Variants in CSMD1 observed in about 807,000 individuals in gnomAD.
The protein encoded by CSMD1 is CUB and Sushi multiple domains 1, also known as CUB and sushi domain-containing protein 1.
Under a neutral mutation model 417.5 loss-of-function variants are expected in CSMD1, and 213 were observed. The ratio of observed to expected loss-of-function variants is 0.51; its 90% CI spans 0.46 to 0.57. The LOEUF is 0.57. Ranked by LOEUF, CSMD1 falls within the 20% of genes least tolerant of loss-of-function variation. The probability of loss-of-function intolerance (pLI) is 0.00; values close to 1 mark genes in which losing one functional copy is unlikely to be tolerated. For missense variants in CSMD1, 6,923 were observed against 4,529.7 expected, an observed-to-expected ratio of 1.53 and a Z score of -15.17; for synonymous variants, 2,862 against 1,736.8, an observed-to-expected ratio of 1.65 and a Z score of -16.11.
chr8:4,052,082 C>T (rs1316491384), intron 3 of CSMD1, among the ~76,000 whole-genome samples: 17 of 151,922 alleles, frequency 1.1e-4, no homozygotes, highest in African/African-American at 3.4e-4. Context: ...ACTAAATACC[C>T]AGCTAATTTC....
intron 1 of CSMD1, among the ~76,000 whole-genome samples, chr8:4,905,035 T>C (rs959455632): frequency 3.9e-5 from 6 of 152,190 alleles, no homozygotes; most frequent in African/African-American, 9.6e-5. Flanking sequence ...AAATTAAAAA[T>C]AGCTGGGACC....
At chr8:3,550,518 T>C (rs956797503) in intron 10 of CSMD1, among the ~76,000 whole-genome samples, 2 of 152,124 alleles carry the variant, frequency 1.3e-5, no homozygotes, top group African/African-American at 4.8e-5. Context: ...ACATATAAGG[T>C]GTAGTGATTC....
At position 4,064,752 on chromosome 8, in the gene CSMD1, C is replaced by A. The variant is rs4406417; in HGVS notation, c.416-32653G>T. ...CCTTCACAACCGAGATCTCTCAGTA[C>A]TGCTGTGGAAACAATCCAGTCCATT... On this transcript the variant is annotated intron_variant, in intron 3 of 69. Coordinates refer to ENST00000635120, the MANE Select transcript of CSMD1 (RefSeq NM_033225.6). Among the ~76,000 whole-genome samples, 14 of 152,104 alleles carry A rather than the reference C, an allele frequency of 9.2e-5. No homozygotes were observed. The East Asian group carries it at 2.5e-3, about 27-fold the overall frequency.
chr8:3,066,805 T>A (rs537735738), intron 49 of CSMD1, among the ~76,000 whole-genome samples: 1 of 152,160 alleles, frequency 6.6e-6, no homozygotes, highest in South Asian at 2.1e-4. Flanking sequence ...AAACTCTTAT[T>A]TAAGCTCATT....
intron 3 of CSMD1, among the ~76,000 whole-genome samples, chr8:4,243,162 G>T (rs1187951085): frequency 6.6e-6 from 1 of 152,080 alleles, no homozygotes; most frequent in Admixed American, 6.5e-5. Flanking sequence ...GAGGGAGAGT[G>T]CTTGCATGGA....
intron 10 of CSMD1, among the ~76,000 whole-genome samples, chr8:3,501,009 T>C (rs1489759519): frequency 1.3e-5 from 2 of 152,148 alleles, no homozygotes; most frequent in African/African-American, 4.8e-5. Context: ...GCTACTTTGA[T>C]TCAAATAATA....
chr8:4,760,176 A>C (rs1811950320), intron 1 of CSMD1, among the ~76,000 whole-genome samples: 1 of 152,240 alleles, frequency 6.6e-6, no homozygotes, highest in African/African-American at 2.4e-5. Flanking sequence ...CTGCAACATC[A>C]GTGAACCACA....
intron 3 of CSMD1, among the ~76,000 whole-genome samples, chr8:4,142,917 G>C (rs10503235): frequency 0.13 from 18,960 of 150,408 alleles, 2,475 homozygotes; most frequent in East Asian, 0.28. Context: ...TTATTTTTAG[G>C]TCATATGTTG....
chr8:4,008,548 G>C (rs1318710958), intron 4 of CSMD1, among the ~76,000 whole-genome samples: 2 of 139,392 alleles, frequency 1.4e-5, no homozygotes, highest in East Asian at 4.5e-4. Context: ...ATAAATACTT[G>C]ATTGTTAAAG....
At chr8:3,372,683 G>A (rs1380312192) in intron 18 of CSMD1, among the ~76,000 whole-genome samples, 1 of 152,172 alleles carries the variant, frequency 6.6e-6, no homozygotes, top group South Asian at 2.1e-4. Context: ...ACCAGGTCAT[G>A]AGTGTAAGGC....
At chr8:4,843,893 G>A (rs1800981197) in intron 1 of CSMD1, among the ~76,000 whole-genome samples, 1 of 152,142 alleles carries the variant, frequency 6.6e-6, no homozygotes, top group African/African-American at 2.4e-5. Flanking sequence ...AACACACCCA[G>A]TGAGCTCTTT....
chr8:4,726,933 G>A (rs1809498197), intron 1 of CSMD1, among the ~76,000 whole-genome samples: 1 of 151,856 alleles, frequency 6.6e-6, no homozygotes. Context: ...TTTCTTCTGG[G>A]GATTGTACAT....
At chr8:4,931,163 TA>T (rs1471210069) in intron 1 of CSMD1, among the ~76,000 whole-genome samples, 1 of 152,234 alleles carries the variant, frequency 6.6e-6, no homozygotes, top group African/African-American at 2.4e-5. Flanking sequence ...TTGTGTCTTA[TA>T]TGAAATAAAG....
At chr8:3,427,047 A>C (rs1290837284) in intron 12 of CSMD1, among the ~76,000 whole-genome samples, 1 of 152,166 alleles carries the variant, frequency 6.6e-6, no homozygotes. Context: ...ACATCTCATG[A>C]GAACTCACTC....
At chr8:4,791,977 G>C (rs79030671) in intron 1 of CSMD1, among the ~76,000 whole-genome samples, 2 of 151,618 alleles carry the variant, frequency 1.3e-5, no homozygotes, top group African/African-American at 2.4e-5. Flanking sequence ...GTTTATCCAA[G>C]TGTCCTTTAT....
chr8:4,378,763 T>C (rs1802913059), intron 3 of CSMD1, among the ~76,000 whole-genome samples: 1 of 152,176 alleles, frequency 6.6e-6, no homozygotes, highest in African/African-American at 2.4e-5. Context: ...ATGAGAGCTC[T>C]GCTCTCATGA....
At chr8:3,957,740 A>G (rs1812058151) in intron 5 of CSMD1, among the ~76,000 whole-genome samples, 1 of 151,994 alleles carries the variant, frequency 6.6e-6, no homozygotes, top group Non-Finnish European at 1.5e-5. Flanking sequence ...AGAAATGTAG[A>G]AAAGAAAAAA....
chr8:3,846,583 T>C (rs1254075767), intron 5 of CSMD1, among the ~76,000 whole-genome samples: 1 of 152,214 alleles, frequency 6.6e-6, no homozygotes, highest in Non-Finnish European at 1.5e-5. Context: ...TAAGTTGACA[T>C]TTAAAATAAA....
At chr8:3,753,530 T>A (rs140149691) in intron 6 of CSMD1, among the ~76,000 whole-genome samples, 4 of 152,368 alleles carry the variant, frequency 2.6e-5, no homozygotes, top group African/African-American at 9.6e-5. Flanking sequence ...CCTTTTAGGA[T>A]TAAAAGTGAT....
Sources: gnomAD v4.1 joint callset for allele counts (sites outside exome capture counted in the v4.1 genomes callset) on GRCh38, gnomAD v4.1.1 for gene constraint, MANE v1.5 for transcripts, NCBI Gene and HGNC (gene_info 2026-07-23, HGNC 2026-07-21) for gene names.